The following PALLD variants were observed in gnomAD, a reference collection of about 807,000 sequenced individuals.
PALLD encodes the protein palladin, cytoskeletal associated protein.
Under a neutral mutation model 123.5 loss-of-function variants are expected in PALLD, and 61 were observed. That is an observed-to-expected ratio of 0.49 (90% CI 0.40 to 0.61). PALLD has a LOEUF of 0.61. PALLD is among the 20% of genes least tolerant of loss of function. The pLI is 0.00. For missense variants in PALLD, 1,273 were observed against 1,377.0 expected (o/e 0.92, Z 1.20); for synonymous variants, 465 against 496.4 (o/e 0.94, Z 0.84).
At chr4:168,658,502 G>T (rs1778827070) in intron 2 of PALLD, among the ~76,000 whole-genome samples, 1 of 151,958 alleles carries the variant, frequency 6.6e-6, no homozygotes, top group Admixed American at 6.5e-5. Flanking sequence ...GCCCAGACTG[G>T]TCTCTAACTC....
intron 10 of PALLD, among the ~76,000 whole-genome samples, chr4:168,807,495 C>T (rs555667378): frequency 1.2e-4 from 18 of 151,278 alleles, no homozygotes; most frequent in East Asian, 5.8e-4. Flanking sequence ...CTGCGACCTC[C>T]GCCTCGTGGG....
intron 15 of PALLD, among the ~76,000 whole-genome samples, chr4:168,913,386 G>A (rs1759440176): frequency 6.6e-6 from 1 of 151,972 alleles, no homozygotes. Context: ...ATCCACCTGC[G>A]TCAGCCTCCC....
intron 10 of PALLD, among the ~76,000 whole-genome samples, chr4:168,742,519 A>G (rs1045919094): frequency 4.6e-5 from 7 of 152,226 alleles, no homozygotes; most frequent in African/African-American, 1.7e-4. Flanking sequence ...TCATTTGGCT[A>G]GAAGGTCAAA....
intron 10 of PALLD, among the ~76,000 whole-genome samples, chr4:168,755,619 G>A (rs957490177): frequency 6.6e-6 from 1 of 152,178 alleles, no homozygotes; most frequent in Non-Finnish European, 1.5e-5. Flanking sequence ...TTCCAAGCAA[G>A]GAAGTTATGT....
chr4:168,827,418 T>C (rs542685733), intron 10 of PALLD, among the ~76,000 whole-genome samples: 1 of 152,236 alleles, frequency 6.6e-6, no homozygotes, highest in Non-Finnish European at 1.5e-5. Flanking sequence ...TGGAGACAAA[T>C]GTGTTTTGTA....
chr4:168,812,219 T>C (rs1372365451), intron 10 of PALLD, among the ~76,000 whole-genome samples: 2 of 152,226 alleles, frequency 1.3e-5, no homozygotes, highest in Non-Finnish European at 2.9e-5. Flanking sequence ...CCACAAATTG[T>C]GGCCTGGAGC....
At chr4:168,836,915 A>G (rs1745281994) in intron 10 of PALLD, among the ~76,000 whole-genome samples, 1 of 152,164 alleles carries the variant, frequency 6.6e-6, no homozygotes, top group South Asian at 2.1e-4. Context: ...GAACCAAACC[A>G]CTATATATAA....
In PALLD at chr4:168,668,343, A is replaced by T. The variant is rs1025471585; in HGVS notation, c.1062A>T (p.Thr354=). ...CLATNPSGSD[T]TSAEVFIEGA... ...CTACGAATCCCAGCGGCTCAGACAC[A>T]ACATCTGCTGAGGTGTTCATTGAAG... The change falls in exon 3 of 22, where the codon ACA becomes ACT. Residue 354 remains threonine, a synonymous_variant. Transcript: ENST00000505667. The T allele has an allele frequency of 6.2e-7, 1 of 1,611,616 alleles. No homozygotes were observed. The highest frequency in any genetic ancestry group is 2.2e-5 in the East Asian group (1 of 44,838).
intron 21 of PALLD, 102 bp from the exon 22 acceptor site, chr4:168,926,111 G>T: frequency 1.1e-6 from 1 of 952,266 alleles, no homozygotes; most frequent in Non-Finnish European, 1.5e-6. Flanking sequence ...ATGTGTTCAG[G>T]TGCCTTGCAT....
intron 14 of PALLD, among the ~76,000 whole-genome samples, chr4:168,899,081 C>T (rs1560882937): frequency 6.6e-6 from 1 of 152,186 alleles, no homozygotes; most frequent in Non-Finnish European, 1.5e-5. Flanking sequence ...GAACCCAGTG[C>T]TCTGTACCAT....
At chr4:168,921,994 G>A (rs1267658194) in intron 18 of PALLD, among the ~76,000 whole-genome samples, 5 of 151,908 alleles carry the variant, frequency 3.3e-5, no homozygotes, top group African/African-American at 9.7e-5. Flanking sequence ...CCTCCTGTGT[G>A]TATAGTGGCC....
intron 2 of PALLD, among the ~76,000 whole-genome samples, chr4:168,658,034 G>A (rs1019842852): frequency 6.6e-6 from 1 of 152,082 alleles, no homozygotes; most frequent in Non-Finnish European, 1.5e-5. Context: ...CCCACTCCTT[G>A]TGTGTGTCCA....
chr4:168,653,360 T>C (rs73864603), intron 2 of PALLD, among the ~76,000 whole-genome samples: 3,158 of 152,294 alleles, frequency 0.021, 81 homozygotes, highest in South Asian at 0.076. Context: ...GGTGTGTAAA[T>C]AGTATTTACA....
rs72988930 is a variant in PALLD, at chr4:168,805,559, C to T, written c.1965-85363C>T. ...TTTTCACTGTTCTAAGCATGCAGGG[C>T]TCTTGCACAACTTCATGCCTCTGTG... On this transcript the variant is annotated intron_variant, in intron 10 of 21. Coordinates refer to ENST00000505667, the MANE Select transcript of PALLD (RefSeq NM_001166108.2). Among the ~76,000 whole-genome samples, 448 of 152,306 alleles carry T rather than the reference C, an allele frequency of 2.9e-3. 1 individual carries two copies. The highest frequency in any genetic ancestry group is 0.01 in the African/African-American group (426 of 41,550).
intron 2 of PALLD, among the ~76,000 whole-genome samples, chr4:168,582,981 G>T (rs1021400287): frequency 6.6e-6 from 1 of 152,116 alleles, no homozygotes; most frequent in Non-Finnish European, 1.5e-5. Context: ...CTGGGACAAA[G>T]AAATTATTAG....
chr4:168,842,715 G>A (rs1345055930), intron 10 of PALLD, among the ~76,000 whole-genome samples: 1 of 152,118 alleles, frequency 6.6e-6, no homozygotes, highest in Non-Finnish European at 1.5e-5. Context: ...CATGTAAGGA[G>A]GTACTTAAAA....
intron 2 of PALLD, among the ~76,000 whole-genome samples, chr4:168,600,098 T>TGTACACACATATATACATAC (rs1772467596): frequency 9.7e-6 from 1 of 103,590 alleles, no homozygotes; most frequent in Admixed American, 1.1e-4. Flanking sequence ...CATGCATGTG[T>TGTACACACATATATACATAC]ATGCACACAT....
chr4:168,736,257 C>T (rs1252505685), intron 10 of PALLD, among the ~76,000 whole-genome samples: 1 of 152,140 alleles, frequency 6.6e-6, no homozygotes, highest in Admixed American at 6.5e-5. Context: ...TGTATACATA[C>T]TTAGAAAGCA....
chr4:168,657,380 T>G (rs1447120362), intron 2 of PALLD, among the ~76,000 whole-genome samples: 1 of 152,208 alleles, frequency 6.6e-6, no homozygotes, highest in Non-Finnish European at 1.5e-5. Flanking sequence ...TGGTACACAT[T>G]TGAGGAAACT....
Sources: gnomAD v4.1 joint callset for allele counts (sites outside exome capture counted in the v4.1 genomes callset) on GRCh38, gnomAD v4.1.1 for gene constraint, MANE v1.5 for transcripts, NCBI Gene and HGNC (gene_info 2026-07-23, HGNC 2026-07-21) for gene names.